RORA: variants seen among roughly 807,000 people sequenced by gnomAD.
The protein encoded by RORA is nuclear receptor ROR-alpha.
RORA carries 7 observed loss-of-function variants against 69.5 expected under a neutral mutation model. The ratio of observed to expected loss-of-function variants is 0.10; its 90% CI spans 0.06 to 0.19. The LOEUF (loss-of-function observed/expected upper bound fraction) is 0.19. Ranked by LOEUF, RORA falls within the 10% of genes least tolerant of loss-of-function variation. The pLI is 1.00. For missense variants in RORA, 457 were observed against 663.0 expected, an observed-to-expected ratio of 0.69 and a Z score of 3.41; for synonymous variants, 261 against 240.8, an observed-to-expected ratio of 1.08 and a Z score of -0.78.
At chr15:60,826,773 C>T in intron 1 of RORA, among the ~76,000 whole-genome samples, 1 of 113,292 alleles carries the variant, frequency 8.8e-6, no homozygotes, top group Non-Finnish European at 2.1e-5. Flanking sequence ...CTCCCTCTCT[C>T]TCTCTCTCTC....
chr15:61,000,521 G>GGA (rs1166028290), intron 1 of RORA, among the ~76,000 whole-genome samples: 3 of 152,152 alleles, frequency 2.0e-5, no homozygotes, highest in Non-Finnish European at 4.4e-5. Flanking sequence ...AGCATGCCTG[G>GGA]GAGAGCAGGG....
chr15:60,536,464 A>G (rs2066682515), intron 2 of RORA, among the ~76,000 whole-genome samples: 1 of 152,238 alleles, frequency 6.6e-6, no homozygotes, highest in South Asian at 2.1e-4. Flanking sequence ...ACCAGCTACC[A>G]CAGCAATCCT....
intron 1 of RORA, among the ~76,000 whole-genome samples, chr15:61,223,123 G>T (rs1044977208): frequency 6.6e-6 from 1 of 151,988 alleles, no homozygotes; most frequent in African/African-American, 2.4e-5. Flanking sequence ...AAACCAGCCT[G>T]GGCAACATGG....
At chr15:61,191,369 A>T (rs2079798411) in intron 1 of RORA, among the ~76,000 whole-genome samples, 1 of 148,952 alleles carries the variant, frequency 6.7e-6, no homozygotes. Flanking sequence ...TTGTAGCAAA[A>T]AAAAAAAAAA....
At chr15:60,710,835 C>G (rs755128256) in intron 1 of RORA, among the ~76,000 whole-genome samples, 3 of 151,934 alleles carry the variant, frequency 2.0e-5, no homozygotes, top group African/African-American at 7.2e-5. Flanking sequence ...GGGAGGGCCC[C>G]GCATGAAGAA....
chr15:60,939,021 T>G (rs1257992924), intron 1 of RORA, among the ~76,000 whole-genome samples: 1 of 152,232 alleles, frequency 6.6e-6, no homozygotes, highest in East Asian at 1.9e-4. Flanking sequence ...CAAAGTTATT[T>G]GCTCAGGCCA....
At chr15:60,810,569 C>T (rs1302104388) in intron 1 of RORA, among the ~76,000 whole-genome samples, 1 of 152,018 alleles carries the variant, frequency 6.6e-6, no homozygotes, top group Non-Finnish European at 1.5e-5. Context: ...TCGTTTTTTG[C>T]TTCTACTCTT....
At chr15:60,584,225 T>A (rs887571205) in intron 2 of RORA, among the ~76,000 whole-genome samples, 5 of 152,198 alleles carry the variant, frequency 3.3e-5, no homozygotes, top group African/African-American at 1.2e-4. Flanking sequence ...AAACTCTGTG[T>A]GAGACCCAGG....
chr15:61,092,051 C>T (rs1055709263), intron 1 of RORA, among the ~76,000 whole-genome samples: 3 of 152,126 alleles, frequency 2.0e-5, no homozygotes, highest in Admixed American at 2.0e-4. Flanking sequence ...TTGGTCTATG[C>T]AATAATGGAA....
intron 1 of RORA, among the ~76,000 whole-genome samples, chr15:61,059,982 G>GAAGAAGAAGAA (rs1555406760): frequency 2.3e-4 from 18 of 77,464 alleles, no homozygotes; most frequent in African/African-American, 8.1e-4. Context: ...AAGAGGAAGA[G>GAAGAAGAAGAA]GAAGAGGAAG....
At chr15:60,768,580 A>G (rs539262583) in intron 1 of RORA, among the ~76,000 whole-genome samples, 2 of 152,358 alleles carry the variant, frequency 1.3e-5, no homozygotes, top group South Asian at 4.1e-4. Flanking sequence ...TCTACAGCTA[A>G]GCACTAAAGG....
At chr15:60,969,173 G>A (rs1479180199) in intron 1 of RORA, among the ~76,000 whole-genome samples, 1 of 152,272 alleles carries the variant, frequency 6.6e-6, no homozygotes, top group East Asian at 1.9e-4. Flanking sequence ...GATCAAGGTG[G>A]AGACTGTCAA....
chr15:60,868,695 T>C (rs973385798), intron 1 of RORA, among the ~76,000 whole-genome samples: 16 of 151,998 alleles, frequency 1.1e-4, no homozygotes, highest in Admixed American at 1.0e-3. Context: ...GGCATAAGGG[T>C]GTCTGGGAGA....
intron 1 of RORA, among the ~76,000 whole-genome samples, chr15:61,170,441 G>A (rs919286161): frequency 1.3e-5 from 2 of 152,068 alleles, no homozygotes; most frequent in Admixed American, 6.6e-5. Context: ...TGACTCTCCT[G>A]CCCGCCTCTT....
chr15:60,624,513 G>GTATA lies in RORA; in HGVS notation c.196+54140_196+54143dup, dbSNP rs60245502. 9.5e-4 allele frequency among the ~76,000 whole-genome samples: 105 copies of GTATA among 110,028 alleles called. No individual in the cohort carries two copies. In the South Asian group the frequency reaches 0.014, roughly 14 times the overall value. 72.2% of individuals were successfully genotyped at this position (110,028 alleles called of 152,430 possible). A position where few individuals can be genotyped will look rare whatever the true frequency, so the allele number is the denominator to read the frequency against. On this transcript the variant is annotated intron_variant, in intron 2 of 10. Transcript: ENST00000335670. ...ATATATATATTTGCTGTATGTGTGT[G>GTATA]TATATATATATATAGTATATATATA... is the stretch of plus-strand genomic sequence containing the variant.
chr15:60,602,809 A>T (rs1194104699), intron 2 of RORA, among the ~76,000 whole-genome samples: 2 of 152,146 alleles, frequency 1.3e-5, no homozygotes, highest in Admixed American at 1.3e-4. Context: ...TGGAAAACTC[A>T]CCCTTTTTAG....
intron 1 of RORA, among the ~76,000 whole-genome samples, chr15:61,159,831 G>A (rs907298779): frequency 5.3e-5 from 8 of 152,178 alleles, no homozygotes; most frequent in African/African-American, 1.9e-4. Context: ...TTCCTATTGT[G>A]AATGAAAAGC....
intron 2 of RORA, among the ~76,000 whole-genome samples, chr15:60,663,981 T>C (rs540156650): frequency 1.3e-5 from 2 of 152,312 alleles, no homozygotes; most frequent in African/African-American, 4.8e-5. Context: ...GGAAAATCTG[T>C]GAGAATGAGT....
chr15:60,740,714 T>A (rs940390177), intron 1 of RORA, among the ~76,000 whole-genome samples: 1 of 152,176 alleles, frequency 6.6e-6, no homozygotes, highest in South Asian at 2.1e-4. Flanking sequence ...GGTTAACTTT[T>A]AAAAAAATGT....
Sources: gnomAD v4.1 joint callset for allele counts (sites outside exome capture counted in the v4.1 genomes callset) on GRCh38, gnomAD v4.1.1 for gene constraint, MANE v1.5 for transcripts, NCBI Gene and HGNC (gene_info 2026-07-23, HGNC 2026-07-21) for gene names.